Variants in CSMD1 observed in about 807,000 individuals in gnomAD.
CSMD1 encodes the protein CUB and Sushi multiple domains 1, also known as CUB and sushi domain-containing protein 1.
Under a neutral mutation model 417.5 loss-of-function variants are expected in CSMD1, and 213 were observed. The ratio of observed to expected loss-of-function variants is 0.51; its 90% CI spans 0.46 to 0.57. The LOEUF (loss-of-function observed/expected upper bound fraction) is 0.57. CSMD1 is among the 20% of genes least tolerant of loss of function. The probability of loss-of-function intolerance (pLI) is 0.00; values close to 1 mark genes in which losing one functional copy is unlikely to be tolerated. For missense variants in CSMD1, 6,923 were observed against 4,529.7 expected (o/e 1.53, Z -15.17); for synonymous variants, 2,862 against 1,736.8 (o/e 1.65, Z -16.11).
chr8:3,231,740 A>T (rs536911958), intron 26 of CSMD1, among the ~76,000 whole-genome samples: 1 of 152,290 alleles, frequency 6.6e-6, no homozygotes, highest in East Asian at 1.9e-4. Context: ...GACATCAAGG[A>T]TCCTATAGTT....
chr8:3,249,799 G>C (rs879769558), intron 26 of CSMD1, among the ~76,000 whole-genome samples: 6 of 152,004 alleles, frequency 3.9e-5, no homozygotes, highest in Non-Finnish European at 8.8e-5. Context: ...ACTTCATTAG[G>C]GAAAACTTTG....
chr8:3,196,069 C>T (rs1466707799), intron 33 of CSMD1, among the ~76,000 whole-genome samples: 2 of 152,076 alleles, frequency 1.3e-5, no homozygotes, highest in East Asian at 1.9e-4. Context: ...AAAAAGACGC[C>T]GTAAAGAAGC....
intron 4 of CSMD1, among the ~76,000 whole-genome samples, chr8:4,027,458 G>C (rs552507113): frequency 6.6e-6 from 1 of 152,090 alleles, no homozygotes; most frequent in Non-Finnish European, 1.5e-5. Flanking sequence ...TGCTGTTCTT[G>C]TGACAGTGGG....
chr8:4,471,881 C>G (rs75843390), intron 2 of CSMD1, among the ~76,000 whole-genome samples: 2 of 152,130 alleles, frequency 1.3e-5, no homozygotes, highest in South Asian at 4.2e-4. Context: ...AATGGTGTTT[C>G]CAGTGGGTAG....
chr8:4,061,025 C>G (rs865808568), intron 3 of CSMD1, among the ~76,000 whole-genome samples: 2 of 151,628 alleles, frequency 1.3e-5, no homozygotes, highest in African/African-American at 2.4e-5. Flanking sequence ...TTTCACAATA[C>G]CCATTGTGAT....
chr8:4,590,847 G>C (rs1012501986), intron 2 of CSMD1, among the ~76,000 whole-genome samples: 2 of 152,158 alleles, frequency 1.3e-5, no homozygotes, highest in African/African-American at 2.4e-5. Context: ...GACATAATTT[G>C]AGCTTCTCAT....
intron 1 of CSMD1, among the ~76,000 whole-genome samples, chr8:4,650,109 G>A (rs1008868923): frequency 3.9e-5 from 6 of 152,158 alleles, no homozygotes; most frequent in African/African-American, 1.4e-4. Context: ...ACTTTGGGAG[G>A]CCGAGGCGGG....
Position 3,199,743 on chromosome 8 carries a change from G to A in CSMD1, c.5165C>T (p.Ser1722Phe), listed in dbSNP as rs1333767205. The change falls in exon 33 of 70, where the codon TCT becomes TTT. Residue 1722 changes from serine (S) to phenylalanine (F), a missense_variant. Transcript: ENST00000635120. ...ATACACGAAGTGGAAGCCGCGGGCA[G>A]AGGCACCGCTCTTTGCACTGAATCG... is the stretch of plus-strand genomic sequence containing the variant. Reference protein sequence around the residue: ...LLRFSAKSGASARGFHFVYQA... With the variant: ...LLRFSAKSGAFARGFHFVYQA... 2 of 1,589,382 alleles carry A rather than the reference G, an allele frequency of 1.3e-6. No individual in the cohort carries two copies. Among genetic ancestry groups the A allele is most frequent in the Non-Finnish European group, 1.7e-6 (2 of 1,167,512 alleles).
At chr8:4,275,165 C>A (rs1380838882) in intron 3 of CSMD1, among the ~76,000 whole-genome samples, 2 of 152,082 alleles carry the variant, frequency 1.3e-5, no homozygotes, top group South Asian at 4.1e-4. Context: ...GGCATAGTTA[C>A]ATTTTCTGGG....
Position 2,951,147 on chromosome 8 carries a change from T to A in CSMD1, c.10168A>T (p.Ser3390Cys). The change falls in exon 66 of 70, where the codon AGC becomes TGC. Residue 3390 changes from serine (S) to cysteine (C), a missense_variant. Coordinates refer to ENST00000635120, the MANE Select transcript of CSMD1 (RefSeq NM_033225.6). ...ATSSKVNATFSEASPVELKLT... is the reference protein window; with the variant it reads ...ATSSKVNATFCEASPVELKLT... ...TTCAGCTCCACTGGCGAGGCTTCGC[T>A]GAAGGTGGCATTCACCTTACTGCTT... 6.2e-7 allele frequency: 1 copy of A among 1,613,584 alleles called. No homozygotes were observed. Among genetic ancestry groups the A allele is most frequent in the Non-Finnish European group, 8.5e-7 (1 of 1,179,650 alleles).
intron 23 of CSMD1, among the ~76,000 whole-genome samples, chr8:3,332,469 C>G (rs1332473841): frequency 1.3e-5 from 2 of 152,208 alleles, no homozygotes; most frequent in Admixed American, 6.5e-5. Context: ...GAGGCTGATG[C>G]TTAGGGAAGA....
chr8:4,084,815 T>C (rs1049116073), intron 3 of CSMD1, among the ~76,000 whole-genome samples: 2 of 147,830 alleles, frequency 1.4e-5, no homozygotes, highest in Non-Finnish European at 3.0e-5. Context: ...AAAATTCCAG[T>C]GCCTCAAGAC....
At position 4,375,214 on chromosome 8, in the gene CSMD1, A is replaced by T. The variant is rs143101771; in HGVS notation, c.415+44739T>A. Among the ~76,000 whole-genome samples the T allele has an allele frequency of 5.5e-4, 83 of 152,224 alleles. 1 individual carries two copies. Among genetic ancestry groups the T allele is most frequent in the African/African-American group, 1.8e-3 (75 of 41,534 alleles). On this transcript the variant is annotated intron_variant, in intron 3 of 69. Transcript: ENST00000635120. ...TGTTTTCAAGTCTTTGCCCACGGGGATAGATAGTTTGGATGGTCTTAGAAT... is the reference window on the plus strand; with the variant it reads ...TGTTTTCAAGTCTTTGCCCACGGGGTTAGATAGTTTGGATGGTCTTAGAAT...
At position 4,670,096 on chromosome 8, in the gene CSMD1, T is replaced by C. The variant is rs114650168; in HGVS notation, c.86-32538A>G. Among the ~76,000 whole-genome samples the C allele has an allele frequency of 8.9e-3, 1,356 of 152,254 alleles. 19 individuals are homozygous for C. The highest frequency in any genetic ancestry group is 0.03 in the African/African-American group (1,240 of 41,552). The stretch of plus-strand genomic sequence containing the variant: ...GGTTTGGTGCCCCCACGTCCACAAG[T>C]GTAAGATAGGGCAAACTTTCTGATT... On this transcript the variant is annotated intron_variant, in intron 1 of 69. Transcript: ENST00000635120.
rs1302620435 is a variant in CSMD1 at position 4,225,919 on chromosome 8, TTTC to T, written c.416-193823_416-193821del. On this transcript the variant is annotated intron_variant, in intron 3 of 69. Transcript: ENST00000635120. ...GTAATTAATTATAATTGTCTAATAA[TTTC>T]TTATTTGGTAGAATTTATTTGAATG... Among the ~76,000 whole-genome samples, 8 of 152,354 alleles carry T rather than the reference TTTC, an allele frequency of 5.3e-5. No individual in the cohort carries two copies. In the East Asian group the frequency reaches 1.5e-3, roughly 29 times the overall value.
chr8:4,639,373 T>A (rs1803056402), intron 1 of CSMD1, among the ~76,000 whole-genome samples: 1 of 151,974 alleles, frequency 6.6e-6, no homozygotes, highest in African/African-American at 2.4e-5. Context: ...GACAGATCGT[T>A]GGAAGTGTGC....
intron 46 of CSMD1, among the ~76,000 whole-genome samples, chr8:3,099,426 T>G (rs777012502): frequency 5.3e-5 from 8 of 152,166 alleles, no homozygotes; most frequent in Non-Finnish European, 1.2e-4. Flanking sequence ...GCAGGTTCAA[T>G]AAACTTATTC....
In CSMD1 at chr8:4,447,410, G is replaced by A. The variant is rs140675006; in HGVS notation, c.303-27345C>T. Among the ~76,000 whole-genome samples, 863 of 152,306 alleles carry A rather than the reference G, an allele frequency of 5.7e-3. 5 individuals carry two copies. Among genetic ancestry groups the A allele is most frequent in the African/African-American group, 0.019 (775 of 41,554 alleles). ...CTTGAATGATTGGGAAAGGAAGCCT[G>A]AAGTGGATGGCATTTGTCTGGACCC... On this transcript the variant is annotated intron_variant, in intron 2 of 69. Coordinates refer to ENST00000635120, the MANE Select transcript of CSMD1 (RefSeq NM_033225.6).
At chr8:4,171,488 C>G (rs1487843675) in intron 3 of CSMD1, among the ~76,000 whole-genome samples, 2 of 151,844 alleles carry the variant, frequency 1.3e-5, no homozygotes, top group Non-Finnish European at 2.9e-5. Flanking sequence ...AGAACAGATG[C>G]ATATGTGATC....
Sources: gnomAD v4.1 joint callset for allele counts (sites outside exome capture counted in the v4.1 genomes callset) on GRCh38, gnomAD v4.1.1 for gene constraint, MANE v1.5 for transcripts, NCBI Gene and HGNC (gene_info 2026-07-23, HGNC 2026-07-21) for gene names.